SMYD3: variants seen among roughly 807,000 people sequenced by gnomAD.
The protein encoded by SMYD3 is histone-lysine N-methyltransferase SMYD3.
Under a neutral mutation model 57.7 loss-of-function variants are expected in SMYD3, and 36 were observed. That is an observed-to-expected ratio of 0.62 (90% CI 0.48 to 0.82). The LOEUF (loss-of-function observed/expected upper bound fraction) is 0.82. SMYD3 is among the 40% of genes least tolerant of loss of function. The pLI is 0.00. For missense variants in SMYD3, 515 were observed against 538.8 expected (o/e 0.96, Z 0.44); for synonymous variants, 211 against 195.0 (o/e 1.08, Z -0.68).
At chr1:245,807,213 A>C (rs2048223633) in intron 10 of SMYD3, among the ~76,000 whole-genome samples, 1 of 151,858 alleles carries the variant, frequency 6.6e-6, no homozygotes, top group East Asian at 1.9e-4. Flanking sequence ...GACCAGGGCC[A>C]CTCTCCTTAC....
chr1:246,256,834 T>C (rs2063903681), intron 5 of SMYD3, among the ~76,000 whole-genome samples: 1 of 152,180 alleles, frequency 6.6e-6, no homozygotes, highest in Non-Finnish European at 1.5e-5. Context: ...TAACACTACT[T>C]TTGCTGCATC....
At chr1:246,000,740 G>C (rs763604705) in intron 5 of SMYD3, among the ~76,000 whole-genome samples, 9 of 152,184 alleles carry the variant, frequency 5.9e-5, no homozygotes, top group Non-Finnish European at 1.2e-4. Context: ...AGGCCTACAA[G>C]CCTTACACTC....
At chr1:245,797,438 A>C (rs776577652) in intron 10 of SMYD3, among the ~76,000 whole-genome samples, 1 of 142,690 alleles carries the variant, frequency 7.0e-6, no homozygotes, top group Non-Finnish European at 1.5e-5. Context: ...AAAAAACCAA[A>C]CACCACATGT....
At chr1:245,840,117 A>G (rs574630998) in intron 10 of SMYD3, among the ~76,000 whole-genome samples, 13 of 152,206 alleles carry the variant, frequency 8.5e-5, no homozygotes, top group Non-Finnish European at 1.5e-4. Flanking sequence ...GAAAGAACAG[A>G]AAAACAGAGG....
chr1:246,013,335 A>G (rs2059319528), intron 5 of SMYD3, among the ~76,000 whole-genome samples: 1 of 151,974 alleles, frequency 6.6e-6, no homozygotes. Context: ...ACGTGCCACC[A>G]TGTCCAGCTA....
intron 8 of SMYD3, among the ~76,000 whole-genome samples, chr1:245,891,379 A>G (rs2053377163): frequency 6.6e-6 from 1 of 152,240 alleles, no homozygotes. Context: ...AAACATTCAA[A>G]ATTTAAAAAT....
chr1:246,413,379 A>T (rs2067007841), intron 1 of SMYD3, among the ~76,000 whole-genome samples: 3 of 152,300 alleles, frequency 2.0e-5, no homozygotes, highest in Admixed American at 2.0e-4. Context: ...ACCAGGCAAA[A>T]AATGAGTAAA....
intron 1 of SMYD3, among the ~76,000 whole-genome samples, chr1:246,475,489 A>G (rs1422361950): frequency 6.6e-6 from 1 of 150,858 alleles, no homozygotes; most frequent in Non-Finnish European, 1.5e-5. Context: ...CTAAAAATAC[A>G]AAAAAAAATA....
chr1:245,974,085 C>G (rs914224093), intron 5 of SMYD3, among the ~76,000 whole-genome samples: 3 of 152,128 alleles, frequency 2.0e-5, no homozygotes, highest in African/African-American at 7.2e-5. Flanking sequence ...CTAACAGATG[C>G]CACTATCTGT....
At chr1:245,848,507 C>T (rs747829312) in intron 10 of SMYD3, among the ~76,000 whole-genome samples, 4 of 152,046 alleles carry the variant, frequency 2.6e-5, no homozygotes, top group African/African-American at 4.8e-5. Flanking sequence ...CTCCTGGGCT[C>T]GAGGGATCCT....
intron 5 of SMYD3, among the ~76,000 whole-genome samples, chr1:246,248,132 TGA>T (rs2063739090): frequency 2.6e-5 from 4 of 152,200 alleles, no homozygotes; most frequent in Non-Finnish European, 4.4e-5. Flanking sequence ...ACTGAGCCAC[TGA>T]TAAGGTGTTT....
In SMYD3 at chr1:246,008,577, A is replaced by G. The variant is rs561637673; in HGVS notation, c.532-78640T>C. Among the ~76,000 whole-genome samples the G allele has an allele frequency of 4.1e-4, 63 of 152,312 alleles. No individual in the cohort carries two copies. In the South Asian group the frequency reaches 0.013, roughly 31 times the overall value. The stretch of plus-strand genomic sequence containing the variant: ...TTTAAAATTTTGAAAAATAAATACT[A>G]GAGGCTCTGGCAGCAACAGCGCTTG... On this transcript the variant is annotated intron_variant, in intron 5 of 11. Coordinates refer to ENST00000490107, the MANE Select transcript of SMYD3 (RefSeq NM_001167740.2).
At chr1:246,331,619 A>C (rs190141721) in intron 3 of SMYD3, among the ~76,000 whole-genome samples, 1 of 152,352 alleles carries the variant, frequency 6.6e-6, no homozygotes, top group East Asian at 1.9e-4. Flanking sequence ...TACCTTCTAC[A>C]TTAACATGGG....
At position 245,772,873 on chromosome 1, in the gene SMYD3, A is replaced by T. The variant is rs549308042; in HGVS notation, c.1077-8724T>A. Among the ~76,000 whole-genome samples, 5 of 152,262 alleles carry T rather than the reference A, an allele frequency of 3.3e-5. No homozygotes were observed. In the South Asian group the frequency reaches 8.3e-4, roughly 25 times the overall value. ...TAAATTAGAATGAAGGAGATACAAG[A>T]TTTGGGCTGAAGACATGGCTCTTCC... is the stretch of plus-strand genomic sequence containing the variant. On this transcript the variant is annotated intron_variant, in intron 10 of 11. Coordinates refer to ENST00000490107, the MANE Select transcript of SMYD3 (RefSeq NM_001167740.2).
At chr1:246,338,097 G>A (rs1312971873) in intron 2 of SMYD3, among the ~76,000 whole-genome samples, 2 of 152,066 alleles carry the variant, frequency 1.3e-5, no homozygotes, top group Non-Finnish European at 2.9e-5. Flanking sequence ...TCCATGAAAA[G>A]CCAAATCAGA....
chr1:246,156,298 T>G (rs2062022692), intron 5 of SMYD3, among the ~76,000 whole-genome samples: 1 of 152,164 alleles, frequency 6.6e-6, no homozygotes, highest in South Asian at 2.1e-4. Context: ...CGTGAAGATT[T>G]TTTTAAATCC....
chr1:246,446,985 T>C (rs2067559106), intron 1 of SMYD3, among the ~76,000 whole-genome samples: 1 of 146,864 alleles, frequency 6.8e-6, no homozygotes, highest in South Asian at 2.1e-4. Context: ...GCCGAGATCG[T>C]GCCACTGCAC....
intron 5 of SMYD3, among the ~76,000 whole-genome samples, chr1:246,037,223 T>G (rs1293841588): frequency 6.6e-6 from 1 of 152,228 alleles, no homozygotes; most frequent in Non-Finnish European, 1.5e-5. Flanking sequence ...GATATTACCT[T>G]CATATATACA....
rs1054095497 is a variant in SMYD3 at position 246,478,337 on chromosome 1, A to G, written c.164+28717T>C. Among the ~76,000 whole-genome samples, 12 of 152,210 alleles carry G rather than the reference A, an allele frequency of 7.9e-5. No individual in the cohort carries two copies. The South Asian group carries it at 8.3e-4, about 11-fold the overall frequency. ...TGAGAAAGCACTGGTCTATGCACAC[A>G]TAAGTGCTCATATATGCACACCTGT... On this transcript the variant is annotated intron_variant, in intron 1 of 11. Coordinates refer to ENST00000490107, the MANE Select transcript of SMYD3 (RefSeq NM_001167740.2).
Sources: gnomAD v4.1 joint callset for allele counts (sites outside exome capture counted in the v4.1 genomes callset) on GRCh38, gnomAD v4.1.1 for gene constraint, MANE v1.5 for transcripts, NCBI Gene and HGNC (gene_info 2026-07-23, HGNC 2026-07-21) for gene names.